ELAC1: variants seen among roughly 807,000 people sequenced by gnomAD.
ELAC1 encodes the protein elaC ribonuclease Z 1, also known as zinc phosphodiesterase ELAC protein 1.
In ELAC1, 19 loss-of-function variants were observed where a neutral mutation model predicts 25.8. The ratio of observed to expected loss-of-function variants is 0.74; its 90% CI spans 0.51 to 1.08. The LOEUF (loss-of-function observed/expected upper bound fraction) is 1.08, where lower values mean the gene tolerates loss of function less well. Among genes scored for constraint, ELAC1 ranks in the 50% least tolerant of loss-of-function variants. ELAC1 has a pLI of 0.00. For synonymous variants in ELAC1, 148 were observed against 160.9 expected (o/e 0.92, Z 0.61); for missense variants, 403 against 434.6 (o/e 0.93, Z 0.65).
chr18:50,984,384 A>C lies in ELAC1; in HGVS notation c.446A>C (p.Lys149Thr). 6.2e-7 allele frequency: 1 copy of C among 1,614,218 alleles called. No homozygotes were observed. Among genetic ancestry groups the C allele is most frequent in the South Asian group, 1.1e-5 (1 of 91,082 alleles). Residue 149 changes from lysine to threonine, a missense_variant, in exon 3 of 4, where the codon AAA (lysine) becomes ACA (threonine). Lys to Thr is a moderately conservative substitution (Grantham distance 78). Transcript: ENST00000269466. ...GTGAATAGAGCAGACAGTCCTCCCAAAGAGGAACAAGGAAGAACTATCCTG... is the reference window on the plus strand; with the variant it reads ...GTGAATAGAGCAGACAGTCCTCCCACAGAGGAACAAGGAAGAACTATCCTG... The part of the protein sequence containing the change: ...AHVNRADSPP[K>T]EEQGRTILLD...
intron 2 of ELAC1, among the ~76,000 whole-genome samples, chr18:50,978,328 G>C (rs1313297996): frequency 6.6e-6 from 1 of 151,998 alleles, no homozygotes; most frequent in Non-Finnish European, 1.5e-5. Flanking sequence ...CCAAGACTGA[G>C]TAATTTATTT....
chr18:50,976,370 C>T (rs1015092067), intron 2 of ELAC1, among the ~76,000 whole-genome samples: 6 of 152,054 alleles, frequency 3.9e-5, no homozygotes, highest in Admixed American at 6.5e-5. Flanking sequence ...TTAATGGACT[C>T]GCAGTTCACA....
At chr18:50,976,670 C>T (rs1355656112) in intron 2 of ELAC1, among the ~76,000 whole-genome samples, 1 of 152,144 alleles carries the variant, frequency 6.6e-6, no homozygotes, top group Non-Finnish European at 1.5e-5. Flanking sequence ...CTGACTCCTC[C>T]AGAACCTTAT....
chr18:50,985,911 G>GA (rs1368437589), intron 3 of ELAC1, among the ~76,000 whole-genome samples: 2 of 150,782 alleles, frequency 1.3e-5, no homozygotes, highest in Admixed American at 6.6e-5. Flanking sequence ...ACAATTGCCT[G>GA]AAAAAATGCT....
Position 50,973,750 on chromosome 18 carries a change from A to T in ELAC1, c.-8-647A>T, listed in dbSNP as rs115332827. Among the ~76,000 whole-genome samples, 1,188 of 152,244 alleles carry T rather than the reference A, an allele frequency of 7.8e-3. 22 individuals carry two copies. The highest frequency in any genetic ancestry group is 0.027 in the African/African-American group (1,132 of 41,534). On this transcript the variant is annotated intron_variant, in intron 1 of 3. Coordinates refer to ENST00000269466, the MANE Select transcript of ELAC1 (RefSeq NM_018696.3). ...TAAGTAGAAAGTACAGAGTGTTCCC[A>T]TATACTCTCTTATCCCTCACCCCTC...
At chr18:50,983,551 T>C (rs1198989040) in intron 2 of ELAC1, among the ~76,000 whole-genome samples, 4 of 151,870 alleles carry the variant, frequency 2.6e-5, no homozygotes, top group African/African-American at 9.7e-5. Context: ...TTATGAAAAA[T>C]GTTATATCTT....
Position 50,984,307 on chromosome 18 carries a change from G to A in ELAC1, c.369G>A (p.Leu123=), listed in dbSNP as rs1026739352. The A allele has an allele frequency of 2.5e-6, 4 of 1,614,174 alleles. No homozygotes were observed. The highest frequency in any genetic ancestry group is 2.2e-5 in the East Asian group (1 of 44,884). ...ELVFHYVVHE[L]VPTADQCPAE... ...TCTTCCATTATGTGGTTCATGAACTGGTTCCTACAGCAGATCAATGTCCTG... is the reference window on the plus strand; with the variant it reads ...TCTTCCATTATGTGGTTCATGAACTAGTTCCTACAGCAGATCAATGTCCTG... Residue 123 remains leucine, a synonymous_variant, in exon 3 of 4, where the codon CTG becomes CTA. Coordinates refer to ENST00000269466, the MANE Select transcript of ELAC1 (RefSeq NM_018696.3).
At chr18:50,977,962 A>G (rs752391170) in intron 2 of ELAC1, among the ~76,000 whole-genome samples, 12 of 152,206 alleles carry the variant, frequency 7.9e-5, no homozygotes, top group Non-Finnish European at 1.3e-4. Context: ...CAGGGGCACA[A>G]TGCTGCCAGT....
At chr18:50,973,545 C>T (rs76103957) in intron 1 of ELAC1, among the ~76,000 whole-genome samples, 5,078 of 152,158 alleles carry the variant, frequency 0.033, 193 homozygotes, top group African/African-American at 0.086. Flanking sequence ...ATCAGCATGA[C>T]TATAGAGCAT....
Position 50,984,468 on chromosome 18 carries a change from C to A in ELAC1, c.530C>A (p.Ala177Glu), listed in dbSNP as rs1908046791. Residue 177 changes from alanine (A) to glutamate (E), a missense_variant, in exon 3 of 4, where the codon GCA (alanine) becomes GAA (glutamate). Ala to Glu is a moderately radical substitution (Grantham distance 107, BLOSUM62 -1). Transcript: ENST00000269466. Reference sequence around the variant, plus strand: ...GATGATGAACAATTTGTTGTAAAAGCATTTCGCCTCTTTCACAGAATTCCC... The same window carrying A: ...GATGATGAACAATTTGTTGTAAAAGAATTTCGCCTCTTTCACAGAATTCCC... The part of the protein sequence containing the change: ...LFDDEQFVVK[A>E]FRLFHRIPSF... The A allele has an allele frequency of 6.2e-7, 1 of 1,613,694 alleles. No individual in the cohort carries two copies.
intron 1 of ELAC1, among the ~76,000 whole-genome samples, chr18:50,971,402 T>A (rs1197166970): frequency 1.3e-5 from 2 of 152,170 alleles, no homozygotes; most frequent in African/African-American, 4.8e-5. Context: ...TTTTTGTTTG[T>A]TGTGAGAGTG....
chr18:50,974,347 T>C, intron 1 of ELAC1, 50 bp from the exon 2 acceptor site: 1 of 1,450,942 alleles, frequency 6.9e-7, no homozygotes, highest in Non-Finnish European at 9.2e-7. Flanking sequence ...CAGGAATATG[T>C]TTTTGGTACA....
intron 2 of ELAC1, among the ~76,000 whole-genome samples, chr18:50,980,165 C>A (rs897628378): frequency 5.9e-5 from 9 of 151,902 alleles, no homozygotes; most frequent in Non-Finnish European, 1.2e-4. Flanking sequence ...AAAAGAGACT[C>A]CATCTTTACA....
chr18:50,977,621 A>G (rs1398564747), intron 2 of ELAC1, among the ~76,000 whole-genome samples: 1 of 152,144 alleles, frequency 6.6e-6, no homozygotes, highest in Non-Finnish European at 1.5e-5. Context: ...GACCTCTGAC[A>G]TGCTCTGGCA....
Position 50,984,228 on chromosome 18 carries a change from T to TA in ELAC1, c.291dup (p.Gly98ArgfsTer25), listed in dbSNP as rs774169298. ...CAGCCTATTGAAATCTATGGCCCTGTAGGGCTTCGGGACTTTATCTGGCGA... is the reference window on the plus strand; with the variant it reads ...CAGCCTATTGAAATCTATGGCCCTGTAAGGGCTTCGGGACTTTATCTGGCGA... On this transcript the variant is annotated frameshift_variant, in exon 3 of 4. Coordinates refer to ENST00000269466, the MANE Select transcript of ELAC1 (RefSeq NM_018696.3). LOFTEE classifies it high-confidence loss of function. The TA allele has an allele frequency of 6.2e-7, 1 of 1,614,154 alleles. No homozygotes were observed. The highest frequency in any genetic ancestry group is 8.5e-7 in the Non-Finnish European group (1 of 1,180,014).
At chr18:50,984,704 G>A (rs1908054277) in intron 3 of ELAC1, 141 bp downstream of exon 3, 2 of 658,472 alleles carry the variant, frequency 3.0e-6, no homozygotes, top group South Asian at 3.9e-5. Context: ...GGCCGAGGTG[G>A]GAGGATCACT....
chr18:50,979,789 C>T (rs747403198), intron 2 of ELAC1, among the ~76,000 whole-genome samples: 34 of 152,018 alleles, frequency 2.2e-4, no homozygotes, highest in Non-Finnish European at 3.4e-4. Flanking sequence ...TGCAGTGGTG[C>T]GATCTCGGCT....
In ELAC1 at chr18:50,986,638, C is replaced by G; in HGVS notation, c.645C>G (p.Ala215=). The change falls in exon 4 of 4, where the codon GCC becomes GCG. Residue 215 remains alanine (A), a synonymous_variant. Coordinates refer to ENST00000269466, the MANE Select transcript of ELAC1 (RefSeq NM_018696.3). ...LKDLGVPPGP[A]YGKLKNGISV... Reference sequence around the variant, plus strand: ...CATTAGGTGTTCCACCAGGTCCTGCCTATGGGAAGCTGAAAAATGGAATTT... The same window carrying G: ...CATTAGGTGTTCCACCAGGTCCTGCGTATGGGAAGCTGAAAAATGGAATTT... The G allele has an allele frequency of 6.2e-7, 1 of 1,611,754 alleles. No individual in the cohort carries two copies. The highest frequency in any genetic ancestry group is 8.5e-7 in the Non-Finnish European group (1 of 1,178,566).
intron 2 of ELAC1, among the ~76,000 whole-genome samples, chr18:50,977,797 G>C (rs1907834587): frequency 6.6e-6 from 1 of 152,156 alleles, no homozygotes. Context: ...TTAAACATAA[G>C]TTACAATTCC....
Sources: gnomAD v4.1 joint callset for allele counts (sites outside exome capture counted in the v4.1 genomes callset) on GRCh38, gnomAD v4.1.1 for gene constraint, MANE v1.5 for transcripts, NCBI Gene and HGNC (gene_info 2026-07-23, HGNC 2026-07-21) for gene names.